CSMD1: variants seen among roughly 807,000 people sequenced by gnomAD.
CSMD1 encodes CUB and Sushi multiple domains 1.
In CSMD1, 213 loss-of-function variants were observed where a neutral mutation model predicts 417.5. The observed-to-expected ratio is 0.51, with a 90% CI of 0.46 to 0.57. The LOEUF is 0.57. Among genes scored for constraint, CSMD1 ranks in the 20% least tolerant of loss-of-function variants. The pLI is 0.00. For synonymous variants in CSMD1, 2,862 were observed against 1,736.8 expected (o/e 1.65, Z -16.11); for missense variants, 6,923 against 4,529.7 (o/e 1.53, Z -15.17).
intron 1 of CSMD1, among the ~76,000 whole-genome samples, chr8:4,749,837 G>A (rs1244571664): frequency 6.6e-6 from 1 of 151,964 alleles, no homozygotes; most frequent in African/African-American, 2.4e-5. Context: ...TGGTAATTTG[G>A]AAAGCCAGGG....
At chr8:4,043,785 T>C (rs541053183) in intron 3 of CSMD1, among the ~76,000 whole-genome samples, 5 of 152,336 alleles carry the variant, frequency 3.3e-5, no homozygotes, top group African/African-American at 9.6e-5. Flanking sequence ...GAACGCTTTA[T>C]ATATGGTATT....
chr8:4,212,751 C>CTTTGTTTTTTTTTTT (rs1800396055), intron 3 of CSMD1, among the ~76,000 whole-genome samples: 1 of 99,268 alleles, frequency 1.0e-5, no homozygotes, highest in African/African-American at 4.3e-5. Context: ...CGGCCTTATT[C>CTTTGTTTTTTTTTTT]TTTTTTTTTT....
chr8:4,729,354 G>C (rs773755997), intron 1 of CSMD1, among the ~76,000 whole-genome samples: 2 of 152,284 alleles, frequency 1.3e-5, no homozygotes, highest in East Asian at 1.9e-4. Context: ...GACAGTAACT[G>C]ATTGCAGTAG....
intron 37 of CSMD1, among the ~76,000 whole-genome samples, chr8:3,174,824 C>T (rs1820804907): frequency 1.3e-5 from 2 of 151,932 alleles, no homozygotes; most frequent in South Asian, 4.1e-4. Flanking sequence ...TTATTGTACA[C>T]ACTTTTTTTA....
intron 49 of CSMD1, among the ~76,000 whole-genome samples, chr8:3,086,436 T>C (rs1479448548): frequency 6.6e-6 from 1 of 152,042 alleles, no homozygotes; most frequent in African/African-American, 2.4e-5. Context: ...CTAATGAAAC[T>C]GACAAAAAAG....
At chr8:4,068,648 T>C (rs902548163) in intron 3 of CSMD1, among the ~76,000 whole-genome samples, 2 of 152,124 alleles carry the variant, frequency 1.3e-5, no homozygotes, top group Non-Finnish European at 2.9e-5. Flanking sequence ...GAACTGTGAG[T>C]TTAAGATAAA....
chr8:4,018,827 T>C (rs936701904), intron 4 of CSMD1, among the ~76,000 whole-genome samples: 2 of 152,200 alleles, frequency 1.3e-5, no homozygotes, highest in African/African-American at 2.4e-5. Flanking sequence ...GCGTGGGACC[T>C]TGGTGAAGTC....
chr8:4,342,999 T>C (rs186850135), intron 3 of CSMD1, among the ~76,000 whole-genome samples: 62 of 152,238 alleles, frequency 4.1e-4, no homozygotes, highest in African/African-American at 1.3e-3. Flanking sequence ...GTAGCGTAGA[T>C]TGCAGTGCAC....
intron 3 of CSMD1, among the ~76,000 whole-genome samples, chr8:4,224,298 A>C (rs894828614): frequency 3.9e-5 from 6 of 152,198 alleles, no homozygotes; most frequent in Non-Finnish European, 8.8e-5. Context: ...AATATACAAA[A>C]CATTAAGATA....
intron 5 of CSMD1, among the ~76,000 whole-genome samples, chr8:3,972,199 C>T (rs540394954): frequency 6.6e-6 from 1 of 151,904 alleles, no homozygotes; most frequent in East Asian, 1.9e-4. Context: ...GATTTCCTAT[C>T]ACTTTGTTGA....
intron 7 of CSMD1, among the ~76,000 whole-genome samples, chr8:3,681,565 C>A (rs1363493251): frequency 1.3e-5 from 2 of 152,174 alleles, no homozygotes; most frequent in South Asian, 2.1e-4. Flanking sequence ...GAAGAACATT[C>A]CATGCTTATG....
chr8:3,222,266 T>C (rs1377532505), intron 28 of CSMD1, among the ~76,000 whole-genome samples: 1 of 151,878 alleles, frequency 6.6e-6, no homozygotes, highest in Non-Finnish European at 1.5e-5. Flanking sequence ...ATCAAATGAG[T>C]TGCACTTTAT....
intron 5 of CSMD1, among the ~76,000 whole-genome samples, chr8:3,936,298 T>A (rs951437190): frequency 7.9e-5 from 12 of 152,086 alleles, no homozygotes; most frequent in African/African-American, 2.9e-4. Context: ...GTGACGAAGG[T>A]GGCTACACTA....
chr8:4,089,225 A>G (rs1391601153), intron 3 of CSMD1, among the ~76,000 whole-genome samples: 2 of 152,172 alleles, frequency 1.3e-5, no homozygotes, highest in African/African-American at 4.8e-5. Flanking sequence ...TAAGCTCCAT[A>G]AGGACATGGG....
chr8:4,336,697 G>C (rs1312207860), intron 3 of CSMD1, among the ~76,000 whole-genome samples: 1 of 152,134 alleles, frequency 6.6e-6, no homozygotes, highest in Admixed American at 6.6e-5. Flanking sequence ...ACAAAGTAGA[G>C]ATGAGGCTGT....
chr8:3,461,112 C>G (rs1045785901), intron 12 of CSMD1, among the ~76,000 whole-genome samples: 1 of 152,334 alleles, frequency 6.6e-6, no homozygotes, highest in East Asian at 1.9e-4. Flanking sequence ...GTCCCACCAT[C>G]AGATGCGGCC....
At chr8:4,436,053 C>A (rs1306126966) in intron 2 of CSMD1, among the ~76,000 whole-genome samples, 1 of 152,162 alleles carries the variant, frequency 6.6e-6, no homozygotes, top group Admixed American at 6.5e-5. Context: ...CAAGATCATT[C>A]ACAGATCTTA....
At chr8:4,460,884 C>CA (rs1449050892) in intron 2 of CSMD1, among the ~76,000 whole-genome samples, 1 of 151,990 alleles carries the variant, frequency 6.6e-6, no homozygotes, top group African/African-American at 2.4e-5. Flanking sequence ...AAATTCTTTC[C>CA]AAAAATAGAA....
chr8:3,576,306 A>G (rs1269159089), intron 9 of CSMD1, among the ~76,000 whole-genome samples: 1 of 148,900 alleles, frequency 6.7e-6, no homozygotes, highest in Non-Finnish European at 1.5e-5. Context: ...AATAATACAA[A>G]TCATGGCTAT....
Sources: allele counts gnomAD v4.1 joint callset (sites outside exome capture counted in the v4.1 genomes callset), GRCh38; gene constraint gnomAD v4.1.1; transcripts MANE v1.5; gene names NCBI Gene and HGNC (gene_info 2026-07-23, HGNC 2026-07-21).